CPQ: variants seen among roughly 807,000 people sequenced by gnomAD.
CPQ encodes Ser-Met dipeptidase.
A neutral mutation model predicts 45.7 loss-of-function variants in CPQ; 37 were observed. That is an observed-to-expected ratio of 0.81 (90% CI 0.62 to 1.07). CPQ has a LOEUF of 1.07. Among genes scored for constraint, CPQ ranks in the 50% least tolerant of loss-of-function variants. The pLI is 0.00. For missense variants in CPQ, 537 were observed against 572.9 expected, an observed-to-expected ratio of 0.94 and a Z score of 0.64; for synonymous variants, 186 against 205.8, an observed-to-expected ratio of 0.90 and a Z score of 0.82.
At chr8:97,126,061 G>A (rs1811841462) in intron 7 of CPQ, among the ~76,000 whole-genome samples, 1 of 152,158 alleles carries the variant, frequency 6.6e-6, no homozygotes, top group Non-Finnish European at 1.5e-5. Context: ...AACTATGTGT[G>A]TATTCAGGGA....
At chr8:96,696,589 G>C (rs1218815517) in intron 1 of CPQ, among the ~76,000 whole-genome samples, 1 of 151,614 alleles carries the variant, frequency 6.6e-6, no homozygotes, top group African/African-American at 2.4e-5. Flanking sequence ...TGAAAAGTTG[G>C]TTTTGTGAAA....
At chr8:97,127,545 C>T (rs914851632) in intron 7 of CPQ, among the ~76,000 whole-genome samples, 1 of 151,958 alleles carries the variant, frequency 6.6e-6, no homozygotes. Flanking sequence ...AAAAATTAGC[C>T]AGGCGTGGTG....
At chr8:96,665,064 C>T (rs1015718003) in intron 1 of CPQ, among the ~76,000 whole-genome samples, 11 of 151,956 alleles carry the variant, frequency 7.2e-5, no homozygotes, top group Admixed American at 2.0e-4. Context: ...GCAGAGGGTC[C>T]GAGGAAACAA....
intron 1 of CPQ, chr8:96,680,554 C>T (rs1218273795): frequency 6.6e-6 from 1 of 152,228 alleles, no homozygotes; most frequent in East Asian, 1.9e-4. Flanking sequence ...AACTGTAAGT[C>T]CATTAAACCT....
At chr8:97,065,773 T>G (rs1471443564) in intron 6 of CPQ, among the ~76,000 whole-genome samples, 2 of 152,140 alleles carry the variant, frequency 1.3e-5, no homozygotes, top group Non-Finnish European at 2.9e-5. Flanking sequence ...TTCCCTTCAT[T>G]ATATTTTTTT....
chr8:96,723,385 T>G (rs1181922570), intron 1 of CPQ, among the ~76,000 whole-genome samples: 1 of 152,170 alleles, frequency 6.6e-6, no homozygotes, highest in Non-Finnish European at 1.5e-5. Context: ...GACTGAAAAT[T>G]TATCCTGCTA....
chr8:96,976,104 AAAAAGCTCCT>A (rs898856522), intron 5 of CPQ, among the ~76,000 whole-genome samples: 25 of 152,048 alleles, frequency 1.6e-4, no homozygotes, highest in Non-Finnish European at 2.4e-4. Context: ...AGACTCATCC[AAAAAGCTCCT>A]AAAACTAGCA....
At chr8:96,810,771 A>G (rs182827772) in intron 2 of CPQ, among the ~76,000 whole-genome samples, 183 of 152,320 alleles carry the variant, frequency 1.2e-3, no homozygotes, top group Non-Finnish European at 1.6e-3. Flanking sequence ...CATAAGAGAC[A>G]GCTATAGTCT....
At chr8:96,725,172 G>C (rs971242218) in intron 1 of CPQ, among the ~76,000 whole-genome samples, 4 of 152,108 alleles carry the variant, frequency 2.6e-5, no homozygotes, top group African/African-American at 9.7e-5. Flanking sequence ...ATTGGCTTTG[G>C]CAAATAATTT....
rs747940688 is a variant in CPQ at position 97,059,034 on chromosome 8, G to A, written c.1054-6975G>A. Among the ~76,000 whole-genome samples, 6 of 152,184 alleles carry A rather than the reference G, an allele frequency of 3.9e-5. No individual in the cohort carries two copies. In the South Asian group the frequency reaches 6.2e-4, roughly 16 times the overall value. On this transcript the variant is annotated intron_variant, in intron 6 of 7. Coordinates refer to ENST00000220763, the MANE Select transcript of CPQ (RefSeq NM_016134.4). ...AGCCTTCTGGCTCACTGTTATGACC[G>A]TAGTGTCATTTATGCAGGGTTCGTG... is the stretch of plus-strand genomic sequence containing the variant.
chr8:97,135,127 C>T (rs1812028636), intron 7 of CPQ, among the ~76,000 whole-genome samples: 2 of 152,172 alleles, frequency 1.3e-5, no homozygotes, highest in South Asian at 2.1e-4. Flanking sequence ...GCCAAGGTTT[C>T]CAAAGAGATA....
chr8:97,118,538 T>C lies in CPQ; in HGVS notation c.1256-24482T>C, dbSNP rs143716716. ...TGAGTTAACCTGTTAGCTTCCTCTA[T>C]ATAAAATGGAAAGTCATTAAAAACC... On this transcript the variant is annotated intron_variant, in intron 7 of 7. Coordinates refer to ENST00000220763, the MANE Select transcript of CPQ (RefSeq NM_016134.4). Among the ~76,000 whole-genome samples the C allele has an allele frequency of 3.9e-5, 6 of 152,316 alleles. No individual in the cohort carries two copies. In the East Asian group the frequency reaches 9.7e-4, roughly 25 times the overall value.
At chr8:97,074,655 T>A (rs1369595526) in intron 7 of CPQ, among the ~76,000 whole-genome samples, 2 of 151,922 alleles carry the variant, frequency 1.3e-5, no homozygotes, top group Non-Finnish European at 2.9e-5. Context: ...CCTGTAATCC[T>A]AGCTACCCGG....
At chr8:96,870,618 T>C (rs114212225) in intron 3 of CPQ, among the ~76,000 whole-genome samples, 3,145 of 152,098 alleles carry the variant, frequency 0.021, 114 homozygotes, top group African/African-American at 0.072. Context: ...GTTTCAATTT[T>C]GTCATCTGTA....
intron 1 of CPQ, chr8:96,659,248 T>C (rs1332894754): frequency 6.6e-6 from 1 of 152,210 alleles, no homozygotes; most frequent in Non-Finnish European, 1.5e-5. Context: ...TAGTCTATAC[T>C]CAGCCTCCAG....
At position 96,783,088 on chromosome 8, in the gene CPQ, T is replaced by C. The variant is rs145105893; in HGVS notation, c.-34-1776T>C. On this transcript the variant is annotated intron_variant, in intron 1 of 7. Transcript: ENST00000220763. ...GGCTCATCTGCTCTTCTGAGCCCTT[T>C]CCAGAACTTCCCTTAATACTGCATT... is the stretch of plus-strand genomic sequence containing the variant. 2.3e-3 allele frequency among the ~76,000 whole-genome samples: 348 copies of C among 152,316 alleles called. 4 individuals are homozygous for C. The highest frequency in any genetic ancestry group is 8.2e-3 in the African/African-American group (340 of 41,582).
chr8:96,697,506 C>G (rs944199681), intron 1 of CPQ, among the ~76,000 whole-genome samples: 3 of 151,876 alleles, frequency 2.0e-5, no homozygotes, highest in Non-Finnish European at 4.4e-5. Flanking sequence ...ACAGTCCTAG[C>G]AAGAGCAATT....
chr8:96,877,134 A>G (rs1282948495), intron 3 of CPQ, among the ~76,000 whole-genome samples: 1 of 152,200 alleles, frequency 6.6e-6, no homozygotes, highest in African/African-American at 2.4e-5. Flanking sequence ...TGGTCCCTTT[A>G]CAATAATTTT....
intron 5 of CPQ, among the ~76,000 whole-genome samples, chr8:96,984,629 A>G (rs1210694213): frequency 2.0e-5 from 3 of 152,152 alleles, no homozygotes; most frequent in Non-Finnish European, 4.4e-5. Context: ...TTTATAAATT[A>G]CTCAGTCTCA....
Sources: allele counts gnomAD v4.1 joint callset (sites outside exome capture counted in the v4.1 genomes callset), GRCh38; gene constraint gnomAD v4.1.1; transcripts MANE v1.5; gene names NCBI Gene and HGNC (gene_info 2026-07-23, HGNC 2026-07-21).